The following ARHGAP26 variants were observed in gnomAD, a reference collection of about 807,000 sequenced individuals.
ARHGAP26 encodes rho GTPase-activating protein 26.
In ARHGAP26, 38 loss-of-function variants were observed where a neutral mutation model predicts 104.8. That is an observed-to-expected ratio of 0.36 (90% CI 0.28 to 0.48). The LOEUF (loss-of-function observed/expected upper bound fraction) is 0.48, where lower values mean the gene tolerates loss of function less well. ARHGAP26 is among the 20% of genes least tolerant of loss of function. ARHGAP26 has a pLI of 0.99. For synonymous variants in ARHGAP26, 341 were observed against 340.0 expected (o/e 1.00, Z -0.03); for missense variants, 704 against 947.9 (o/e 0.74, Z 3.38).
chr5:142,844,590 C>T (rs1771532941), intron 1 of ARHGAP26, among the ~76,000 whole-genome samples: 1 of 151,734 alleles, frequency 6.6e-6, no homozygotes, highest in Non-Finnish European at 1.5e-5. Flanking sequence ...TTAGGCTGGG[C>T]GTAGTGGCTC....
At chr5:142,922,644 A>G (rs1258899237) in intron 10 of ARHGAP26, among the ~76,000 whole-genome samples, 2 of 152,150 alleles carry the variant, frequency 1.3e-5, no homozygotes. Flanking sequence ...TCTTTGAACT[A>G]AAGTGCCAGG....
intron 11 of ARHGAP26, among the ~76,000 whole-genome samples, chr5:142,960,083 T>A (rs1185984783): frequency 9.9e-5 from 15 of 152,274 alleles, no homozygotes; most frequent in Admixed American, 9.8e-4. Context: ...CTCATGGCCA[T>A]AGCTGAAGCT....
intron 17 of ARHGAP26, among the ~76,000 whole-genome samples, chr5:143,070,788 T>TA (rs1266737691): frequency 3.3e-5 from 5 of 152,142 alleles, no homozygotes; most frequent in African/African-American, 1.2e-4. Context: ...TGTGCACCTG[T>TA]AGTCCCAGCT....
chr5:143,122,951 T>A (rs893580850), intron 18 of ARHGAP26, among the ~76,000 whole-genome samples: 1 of 152,262 alleles, frequency 6.6e-6, no homozygotes, highest in African/African-American at 2.4e-5. Context: ...TTATAGGGCA[T>A]GTAATAAAAT....
chr5:143,021,718 C>G (rs534096937), intron 12 of ARHGAP26, among the ~76,000 whole-genome samples: 32 of 152,312 alleles, frequency 2.1e-4, no homozygotes, highest in African/African-American at 7.2e-4. Context: ...ACATTAGTAT[C>G]TGCACATTAG....
chr5:143,027,731 G>A (rs942776396), intron 12 of ARHGAP26, among the ~76,000 whole-genome samples: 1 of 152,184 alleles, frequency 6.6e-6, no homozygotes, highest in Non-Finnish European at 1.5e-5. Flanking sequence ...CATAGCACTG[G>A]CAAATAGTTG....
At chr5:142,979,371 C>G (rs1453533681) in intron 11 of ARHGAP26, among the ~76,000 whole-genome samples, 4 of 152,162 alleles carry the variant, frequency 2.6e-5, no homozygotes, top group Admixed American at 6.5e-5. Context: ...TCTGCAATTG[C>G]TTTTTTCTGG....
At chr5:143,154,954 G>T (rs1800298857) in intron 20 of ARHGAP26, among the ~76,000 whole-genome samples, 1 of 151,968 alleles carries the variant, frequency 6.6e-6, no homozygotes, top group South Asian at 2.1e-4. Context: ...GTCTCTATTT[G>T]TCATCCTTTG....
chr5:143,104,027 G>GAA (rs542871562), intron 17 of ARHGAP26, among the ~76,000 whole-genome samples: 1 of 134,562 alleles, frequency 7.4e-6, no homozygotes, highest in African/African-American at 2.7e-5. Context: ...TAGACCTAGA[G>GAA]AAAAAAAAAA....
chr5:143,112,052 G>A (rs1245953304), intron 17 of ARHGAP26, among the ~76,000 whole-genome samples: 1 of 152,220 alleles, frequency 6.6e-6, no homozygotes, highest in African/African-American at 2.4e-5. Context: ...GCACTGGCGT[G>A]TGGCAGTGAG....
chr5:143,071,188 A>G (rs1291286523), intron 17 of ARHGAP26, among the ~76,000 whole-genome samples: 3 of 152,134 alleles, frequency 2.0e-5, no homozygotes, highest in Admixed American at 2.0e-4. Context: ...CTGAGAAAGA[A>G]CAAAGCTAGA....
chr5:142,801,052 C>T (rs1761984468), intron 1 of ARHGAP26, among the ~76,000 whole-genome samples: 1 of 152,154 alleles, frequency 6.6e-6, no homozygotes, highest in Non-Finnish European at 1.5e-5. Flanking sequence ...ACTGCAGGTG[C>T]CGTTTCCTGT....
At chr5:142,885,155 T>C (rs549936785) in intron 4 of ARHGAP26, 143 bp from the exon 5 acceptor site, 6 of 643,696 alleles carry the variant, frequency 9.3e-6, no homozygotes, top group Middle Eastern at 5.1e-4. Context: ...GATGGGTGGC[T>C]GCAGGATTTA....
chr5:142,856,970 A>T (rs1469356775), intron 1 of ARHGAP26, among the ~76,000 whole-genome samples: 1 of 152,110 alleles, frequency 6.6e-6, no homozygotes, highest in Non-Finnish European at 1.5e-5. Context: ...CTGAAATCAG[A>T]GTGTCAACAG....
intron 4 of ARHGAP26, among the ~76,000 whole-genome samples, chr5:142,880,063 A>G (rs1756727126): frequency 6.6e-6 from 1 of 152,244 alleles, no homozygotes; most frequent in Non-Finnish European, 1.5e-5. Flanking sequence ...AAAAAATGAC[A>G]TCTGCAGGCC....
intron 17 of ARHGAP26, among the ~76,000 whole-genome samples, chr5:143,103,597 C>T (rs1793572771): frequency 6.6e-6 from 1 of 151,984 alleles, no homozygotes; most frequent in Non-Finnish European, 1.5e-5. Context: ...CACATATACA[C>T]CATGGAATAC....
intron 17 of ARHGAP26, among the ~76,000 whole-genome samples, chr5:143,083,275 A>G (rs746838479): frequency 1.9e-4 from 29 of 152,354 alleles, no homozygotes; most frequent in Non-Finnish European, 4.0e-4. Flanking sequence ...ATTTCTGCTC[A>G]AGCATACATC....
intron 12 of ARHGAP26, among the ~76,000 whole-genome samples, chr5:143,018,764 A>G (rs1355612379): frequency 2.0e-5 from 3 of 152,202 alleles, no homozygotes; most frequent in South Asian, 2.1e-4. Context: ...ATCTAGTTAT[A>G]TAAGTCTCCT....
intron 11 of ARHGAP26, among the ~76,000 whole-genome samples, chr5:142,941,052 G>A (rs954511464): frequency 3.9e-5 from 5 of 129,406 alleles, no homozygotes; most frequent in Admixed American, 8.8e-5. Flanking sequence ...TCCAGCCTGG[G>A]CGACTGAGAG....
Sources: gnomAD v4.1 joint callset for allele counts (sites outside exome capture counted in the v4.1 genomes callset) on GRCh38, gnomAD v4.1.1 for gene constraint, MANE v1.5 for transcripts, NCBI Gene and HGNC (gene_info 2026-07-23, HGNC 2026-07-21) for gene names.